The following C19orf44 variants were observed in gnomAD, a reference collection of about 807,000 sequenced individuals.
C19orf44 encodes the protein chromosome 19 open reading frame 44.
A neutral mutation model predicts 50.7 loss-of-function variants in C19orf44; 43 were observed. That is an observed-to-expected ratio of 0.85 (90% CI 0.66 to 1.09). The LOEUF (loss-of-function observed/expected upper bound fraction) is 1.09, where lower values mean the gene tolerates loss of function less well. C19orf44 is among the 50% of genes least tolerant of loss of function. C19orf44 has a pLI of 0.00. For missense variants in C19orf44, 722 were observed against 836.2 expected (o/e 0.86, Z 1.68); for synonymous variants, 298 against 334.7 (o/e 0.89, Z 1.20).
chr19:16,519,416 G>C lies in C19orf44; in HGVS notation c.*41-678G>C. ...AGGCAGATGGGGGTGCACGTGGGGGGCTGAATGTCCAGACAGGCAGTGTAG... is the reference window on the plus strand; with the variant it reads ...AGGCAGATGGGGGTGCACGTGGGGGCCTGAATGTCCAGACAGGCAGTGTAG... On this transcript the variant is annotated intron_variant, in intron 8 of 8. Coordinates refer to ENST00000221671, the MANE Select transcript of C19orf44 (RefSeq NM_032207.4). The surrounding 1 kb of genome is among the most constrained non-coding windows in gnomAD (Gnocchi z 6.0). 6.6e-7 allele frequency: 1 copy of C among 1,514,496 alleles called. No individual in the cohort carries two copies. The highest frequency in any genetic ancestry group is 9.0e-7 in the Non-Finnish European group (1 of 1,109,904). The allele number at this position is 1,514,496 out of a possible 1,614,324, so 93.8% of individuals were successfully genotyped here. A position where few individuals can be genotyped will look rare whatever the true frequency, so the allele number is the denominator to read the frequency against.
At position 16,519,304 on chromosome 19, in the gene C19orf44, T is replaced by C; in HGVS notation, c.*41-790T>C. ...CCGGACGTCCCCGCCCTTGATGGGG[T>C]CCTGGATCCCTTGCTCCTTCGCACC... On this transcript the variant is annotated intron_variant, in intron 8 of 8. Coordinates refer to ENST00000221671, the MANE Select transcript of C19orf44 (RefSeq NM_032207.4). The surrounding 1 kb of genome is among the most constrained non-coding windows in gnomAD (Gnocchi z 6.0). The C allele has an allele frequency of 6.2e-7, 1 of 1,613,738 alleles. No homozygotes were observed. The highest frequency in any genetic ancestry group is 1.1e-5 in the South Asian group (1 of 91,072).
intron 4 of C19orf44, 124 bp from the exon 5 acceptor site, chr19:16,509,375 G>C: frequency 7.7e-7 from 1 of 1,307,176 alleles, no homozygotes; most frequent in Non-Finnish European, 1.1e-6. Context: ...CATCTAATGA[G>C]GACCTGGTGT....
intron 6 of C19orf44, 69 bp from the exon 7 acceptor site, chr19:16,514,428 C>T (rs1280230525): frequency 2.1e-6 from 3 of 1,420,654 alleles, no homozygotes; most frequent in Non-Finnish European, 2.8e-6. Flanking sequence ...GGCACCTGAG[C>T]GGTGGGGGGG....
At chr19:16,518,011 A>C (rs1461994435) in intron 8 of C19orf44, 1 of 152,272 alleles carries the variant, frequency 6.6e-6, no homozygotes, top group Non-Finnish European at 1.5e-5. Flanking sequence ...GCTACAGGAA[A>C]TCTAGAACAA....
intron 4 of C19orf44, among the ~76,000 whole-genome samples, chr19:16,508,829 T>G: frequency 6.7e-6 from 1 of 150,208 alleles, no homozygotes; most frequent in Non-Finnish European, 1.5e-5. Flanking sequence ...GATGAAATGT[T>G]TTTTTTTTGA....
At chr19:16,512,684 A>G (rs2093460922) in intron 5 of C19orf44, among the ~76,000 whole-genome samples, 1 of 152,020 alleles carries the variant, frequency 6.6e-6, no homozygotes, top group African/African-American at 2.4e-5. Flanking sequence ...CCTGGGCAAC[A>G]TAGGGAGACC....
rs749365521 is a variant in C19orf44 at position 16,500,920 on chromosome 19, T to C, written c.128T>C (p.Ile43Thr). 3 of 1,613,896 alleles carry C rather than the reference T, an allele frequency of 1.9e-6. No individual in the cohort carries two copies. Among genetic ancestry groups the C allele is most frequent in the East Asian group, 2.2e-5 (1 of 44,884 alleles). The change falls in exon 2 of 9, where the codon ATA (isoleucine) becomes ACA (threonine). Residue 43 changes from isoleucine (I) to threonine (T), a missense_variant. By Grantham distance (89) the Ile-to-Thr change is moderately conservative. Coordinates refer to ENST00000221671, the MANE Select transcript of C19orf44 (RefSeq NM_032207.4). ...NFQISRNLTK[I>T]APGHSRFLKR... is the part of the protein sequence containing the mutation. Reference sequence around the variant, plus strand: ...CAGATCAGTAGAAATCTTACCAAAATAGCACCTGGTCATAGCAGATTTCTA... The same window carrying C: ...CAGATCAGTAGAAATCTTACCAAAACAGCACCTGGTCATAGCAGATTTCTA...
intron 4 of C19orf44, among the ~76,000 whole-genome samples, chr19:16,507,356 C>T (rs1016599961): frequency 1.1e-4 from 16 of 152,148 alleles, no homozygotes; most frequent in Non-Finnish European, 2.4e-4. Context: ...CAGTCACACT[C>T]CCTGTTGTGA....
In C19orf44 at chr19:16,517,286, G is replaced by A. The variant is rs2085546044; in HGVS notation, c.1959G>A (p.Val653=). 1.9e-6 allele frequency: 3 copies of A among 1,614,122 alleles called. No individual in the cohort carries two copies. The highest frequency in any genetic ancestry group is 2.2e-5 in the South Asian group (2 of 91,076). ...PLTMEDALEE[V]NKEL ...CCATGGAGGATGCCCTGGAGGAGGT[G>A]AACAAGGAGCTGTGAGCGCCAGCAG... The change falls in exon 8 of 9, where the codon GTG becomes GTA. Residue 653 remains valine, a synonymous_variant. Transcript: ENST00000221671.
Position 16,520,818 on chromosome 19 carries a change from G to C in C19orf44, c.*765G>C, listed in dbSNP as rs766693851. 1 of 1,613,142 alleles carries C rather than the reference G, an allele frequency of 6.2e-7. No homozygotes were observed. On this transcript the variant is annotated 3_prime_UTR_variant, in exon 9 of 9. Coordinates refer to ENST00000221671, the MANE Select transcript of C19orf44 (RefSeq NM_032207.4). The surrounding 1 kb of genome is among the most constrained non-coding windows in gnomAD (Gnocchi z 4.0). ...CCCCCCGGCCACTGCAGACATCTGC[G>C]CTTTTACCTGTTCCTCTTCTCCTGG...
chr19:16,514,622 G>T lies in C19orf44; in HGVS notation c.1861G>T (p.Ala621Ser), dbSNP rs758460163. Reference sequence around the variant, plus strand: ...CGCCTCCCTCCTGCGCTCCCTGGACGCGGACTCCTTCCACTACCACACCCT... The same window carrying T: ...CGCCTCCCTCCTGCGCTCCCTGGACTCGGACTCCTTCCACTACCACACCCT... ...LHASLLRSLD[A>S]DSFHYHTLEE... Residue 621 changes from alanine to serine, a missense_variant, in exon 7 of 9, where the codon GCG becomes TCG. Transcript: ENST00000221671. 1.6e-5 allele frequency: 26 copies of T among 1,591,754 alleles called. No individual in the cohort carries two copies. Among genetic ancestry groups the T allele is most frequent in the Non-Finnish European group, 2.1e-5 (24 of 1,170,450 alleles).
intron 6 of C19orf44, 44 bp from the exon 7 acceptor site, chr19:16,514,453 G>A (rs753362448): frequency 6.6e-7 from 1 of 1,509,216 alleles, no homozygotes; most frequent in South Asian, 1.2e-5. Flanking sequence ...TGCAGAATTT[G>A]TGGGGCCCCA....
At chr19:16,515,643 C>T (rs552580778) in intron 7 of C19orf44, among the ~76,000 whole-genome samples, 9 of 152,058 alleles carry the variant, frequency 5.9e-5, no homozygotes, top group African/African-American at 2.2e-4. Flanking sequence ...GATTCTTCTA[C>T]CTCAGCCTCT....
rs781082813 is a variant in C19orf44 at position 16,503,169 on chromosome 19, C to G, written c.864C>G (p.Thr288=). 7 of 1,614,018 alleles carry G rather than the reference C, an allele frequency of 4.3e-6. No homozygotes were observed. The highest frequency in any genetic ancestry group is 5.9e-6 in the Non-Finnish European group (7 of 1,180,046). ...HLPTSLAADR[T]LHSTRSRADY... is the part of the protein sequence containing the mutation. ...CAACCTCCCTGGCAGCAGACAGAAC[C>G]CTTCACAGCACTCGCTCAAGAGCAG... The change falls in exon 3 of 9, where the codon ACC becomes ACG. Residue 288 remains threonine (T), a synonymous_variant. Coordinates refer to ENST00000221671, the MANE Select transcript of C19orf44 (RefSeq NM_032207.4).
intron 2 of C19orf44, among the ~76,000 whole-genome samples, 182 bp downstream of exon 2, chr19:16,501,733 A>G (rs2093426155): frequency 1.3e-5 from 2 of 151,080 alleles, no homozygotes; most frequent in African/African-American, 4.9e-5. Flanking sequence ...CTGGAATTAC[A>G]GGCATGCACC....
intron 7 of C19orf44, among the ~76,000 whole-genome samples, chr19:16,516,802 G>A (rs1366111596): frequency 6.6e-6 from 1 of 152,200 alleles, no homozygotes; most frequent in African/African-American, 2.4e-5. Flanking sequence ...TGAGTCCCAC[G>A]GGTCTCTACA....
chr19:16,518,134 T>C (rs2085563068), intron 8 of C19orf44: 1 of 152,150 alleles, frequency 6.6e-6, no homozygotes, highest in Non-Finnish European at 1.5e-5. Context: ...AGGCTGCCCA[T>C]GGACACCAGG....
chr19:16,509,829 A>G lies in C19orf44; in HGVS notation c.1480A>G (p.Thr494Ala), dbSNP rs772886038. Reference sequence around the variant, plus strand: ...CCATTCCAAGGAGTCTCTTGACAGAACACTGGACGCTTTGTCTGAATCCTC... The same window carrying G: ...CCATTCCAAGGAGTCTCTTGACAGAGCACTGGACGCTTTGTCTGAATCCTC... ...TAHSKESLDR[T>A]LDALSESSSS... Residue 494 changes from threonine to alanine, a missense_variant, in exon 5 of 9, where the codon ACA (threonine) becomes GCA (alanine). Coordinates refer to ENST00000221671, the MANE Select transcript of C19orf44 (RefSeq NM_032207.4). 6.2e-7 allele frequency: 1 copy of G among 1,614,140 alleles called. No individual in the cohort carries two copies. Among genetic ancestry groups the G allele is most frequent in the Non-Finnish European group, 8.5e-7 (1 of 1,180,050 alleles).
At chr19:16,515,842 G>C (rs149587345) in intron 7 of C19orf44, among the ~76,000 whole-genome samples, 2 of 151,902 alleles carry the variant, frequency 1.3e-5, no homozygotes, top group African/African-American at 4.8e-5. Flanking sequence ...TGTTGCCCAG[G>C]CTGGGGTGCA....
Sources: gnomAD v4.1 joint callset for allele counts (sites outside exome capture counted in the v4.1 genomes callset) on GRCh38, gnomAD v4.1.1 for gene constraint, Gnocchi (gnomAD v3.1) non-coding constraint, MANE v1.5 for transcripts, NCBI Gene and HGNC (gene_info 2026-07-23, HGNC 2026-07-21) for gene names.